Variants in GARNL3 observed in about 807,000 individuals in gnomAD.
GARNL3 encodes the protein GTPase activating Rap/RanGAP domain like 3, also known as GTPase-activating Rap/Ran-GAP domain-like protein 3.
A neutral mutation model predicts 125.0 loss-of-function variants in GARNL3; 63 were observed. The observed-to-expected ratio is 0.50, with a 90% CI of 0.41 to 0.62. GARNL3 has a LOEUF of 0.62. Ranked by LOEUF, GARNL3 falls within the 20% of genes least tolerant of loss-of-function variation. The pLI, the probability that GARNL3 is intolerant of heterozygous loss-of-function variation, is 0.00. For missense variants in GARNL3, 994 were observed against 1,244.0 expected (o/e 0.80, Z 3.02); for synonymous variants, 439 against 457.5 (o/e 0.96, Z 0.52).
chr9:127,355,689 G>A (rs1166388475), intron 20 of GARNL3, among the ~76,000 whole-genome samples: 1 of 152,190 alleles, frequency 6.6e-6, no homozygotes, highest in African/African-American at 2.4e-5. Context: ...AGGTACGAAG[G>A]ACACAGCGAT....
chr9:127,264,052 TA>T, upstream of GARNL3: 1 of 1,095,636 alleles, frequency 9.1e-7, no homozygotes, highest in South Asian at 1.4e-5. Context: ...TTGAATATAG[TA>T]AACATGTTAT....
At chr9:127,276,053 C>T (rs2063947552) in intron 1 of GARNL3, among the ~76,000 whole-genome samples, 1 of 152,036 alleles carries the variant, frequency 6.6e-6, no homozygotes, top group Non-Finnish European at 1.5e-5. Context: ...CTTCCTTGTA[C>T]TCCACTGAAA....
upstream of GARNL3, among the ~76,000 whole-genome samples, chr9:127,261,835 T>C (rs1383144010): frequency 6.6e-6 from 1 of 152,186 alleles, no homozygotes; most frequent in African/African-American, 2.4e-5. Flanking sequence ...CATGAGGCCC[T>C]TGGTCTCTAG....
In GARNL3 at chr9:127,393,365, T is replaced by A; in HGVS notation, c.*111T>A. On this transcript the variant is annotated 3_prime_UTR_variant, in exon 28 of 28. Coordinates refer to ENST00000373387, the MANE Select transcript of GARNL3 (RefSeq NM_032293.5). ...TGTGGCTTTTAGCCTGTCAGTGATC[T>A]ATTGGACCAAACCTTCTGCACACTC... The A allele has an allele frequency of 2.1e-6, 2 of 975,038 alleles. No homozygotes were observed. The highest frequency in any genetic ancestry group is 1.6e-5 in the African/African-American group (1 of 62,214). 60.4% of individuals were successfully genotyped at this position (975,038 alleles called of 1,614,324 possible).
intron 16 of GARNL3, 100 bp downstream of exon 16, chr9:127,345,577 G>A: frequency 1.3e-6 from 1 of 777,068 alleles, no homozygotes; most frequent in South Asian, 1.9e-5. Flanking sequence ...GAAGGAAGAA[G>A]AGCATGTCTA....
rs531128637 is a variant in GARNL3 at position 127,264,859 on chromosome 9, A to G, written c.-19A>G. 3 of 1,562,526 alleles carry G rather than the reference A, an allele frequency of 1.9e-6. No homozygotes were observed. The highest frequency in any genetic ancestry group is 1.2e-5 in the South Asian group (1 of 83,676). Reference sequence around the variant, plus strand: ...AGCCGGGGCACTGCAAGTCTGTTCCATAGCAGCCCTTTTTGCAAATGGTAG... The same window carrying G: ...AGCCGGGGCACTGCAAGTCTGTTCCGTAGCAGCCCTTTTTGCAAATGGTAG... On this transcript the variant is annotated 5_prime_UTR_variant, in exon 1 of 28. Transcript: ENST00000373387.
chr9:127,387,268 C>G lies in GARNL3; in HGVS notation c.2464C>G (p.Arg822Gly), dbSNP rs771513098. The change falls in exon 25 of 28, where the codon CGA (arginine) becomes GGA (glycine). Residue 822 changes from arginine to glycine, a missense_variant. Physicochemically the swap from Arg to Gly is moderately radical, Grantham distance 125. Around this residue, in one of 5 missense-constraint regions of GARNL3, gnomAD observed 728 missense variants for 865.7 expected, o/e 0.84. Transcript: ENST00000373387. ...AGGCAGCTCCAAGGGGGCCAGTGCCCGAAATTCTCCTCAGACACCCCCGGG... is the reference window on the plus strand; with the variant it reads ...AGGCAGCTCCAAGGGGGCCAGTGCCGGAAATTCTCCTCAGACACCCCCGGG... The part of the protein sequence containing the change: ...SGGSSKGASA[R>G]NSPQTPPGRD... 1.4e-5 allele frequency: 23 copies of G among 1,614,110 alleles called. No homozygotes were observed. Among genetic ancestry groups the G allele is most frequent in the East Asian group, 2.2e-5 (1 of 44,882 alleles).
intron 2 of GARNL3, among the ~76,000 whole-genome samples, chr9:127,254,535 G>A (rs1831729): frequency 0.6 from 91,555 of 151,956 alleles, 30,403 homozygotes; most frequent in Admixed American, 0.74. Context: ...TTGGGAGGCC[G>A]AGGCAGGCGG....
Position 127,376,363 on chromosome 9 carries a change from C to T in GARNL3, c.2162-7075C>T, listed in dbSNP as rs566042974. Reference sequence around the variant, plus strand: ...CTTCCCGAGTAGCTGGGACTACAGGCGCCTGCCACCTTGCCCGGCTAATTT... The same window carrying T: ...CTTCCCGAGTAGCTGGGACTACAGGTGCCTGCCACCTTGCCCGGCTAATTT... On this transcript the variant is annotated intron_variant, in intron 22 of 27. Coordinates refer to ENST00000373387, the MANE Select transcript of GARNL3 (RefSeq NM_032293.5). 6.6e-5 allele frequency among the ~76,000 whole-genome samples: 10 copies of T among 152,102 alleles called. No homozygotes were observed. In the South Asian group the frequency reaches 1.9e-3, roughly 28 times the overall value.
At chr9:127,257,733 TG>T (rs896147608) in intron 2 of GARNL3, among the ~76,000 whole-genome samples, 1 of 152,214 alleles carries the variant, frequency 6.6e-6, no homozygotes, top group Non-Finnish European at 1.5e-5. Flanking sequence ...TGGCAGTTGT[TG>T]GGGGGTGCAG....
In GARNL3 at chr9:127,393,371, AC is replaced by A; in HGVS notation, c.*119del. On this transcript the variant is annotated 3_prime_UTR_variant, in exon 28 of 28. Coordinates refer to ENST00000373387, the MANE Select transcript of GARNL3 (RefSeq NM_032293.5). The stretch of plus-strand genomic sequence containing the variant: ...TTTTAGCCTGTCAGTGATCTATTGG[AC>A]CAAACCTTCTGCACACTCGGCCAGT... The A allele has an allele frequency of 5.6e-6, 5 of 899,758 alleles. No individual in the cohort carries two copies. Among genetic ancestry groups the A allele is most frequent in the Non-Finnish European group, 8.4e-6 (5 of 594,124 alleles). 55.7% of individuals were successfully genotyped at this position (899,758 alleles called of 1,614,324 possible).
chr9:127,368,738 C>T (rs1016013897), intron 22 of GARNL3, among the ~76,000 whole-genome samples: 1 of 151,376 alleles, frequency 6.6e-6, no homozygotes, highest in Admixed American at 6.6e-5. Context: ...AGTTCAAAAC[C>T]AGCCTAGCCA....
At chr9:127,355,978 G>GCC (rs1830668390) in intron 20 of GARNL3, among the ~76,000 whole-genome samples, 2 of 152,162 alleles carry the variant, frequency 1.3e-5, no homozygotes, top group African/African-American at 2.4e-5. Flanking sequence ...GGCAGAGGGA[G>GCC]CAGCCAGGCA....
upstream of GARNL3, chr9:127,264,650 T>G: frequency 8.6e-7 from 1 of 1,165,810 alleles, no homozygotes; most frequent in Non-Finnish European, 1.1e-6. Flanking sequence ...AATGAAATTA[T>G]AAACCACCAG....
At chr9:127,265,207 T>C (rs1290198754) in intron 1 of GARNL3, among the ~76,000 whole-genome samples, 186 bp downstream of exon 1, 1 of 152,236 alleles carries the variant, frequency 6.6e-6, no homozygotes, top group African/African-American at 2.4e-5. Flanking sequence ...TTTGTTTTTA[T>C]TGTTACATAC....
chr9:127,339,863 T>TG, intron 13 of GARNL3, 112 bp downstream of exon 13: 1 of 759,836 alleles, frequency 1.3e-6, no homozygotes, highest in Non-Finnish European at 2.4e-6. Context: ...CATTCCATGT[T>TG]CCGTTAATTC....
intron 10 of GARNL3, 70 bp from the exon 11 acceptor site, chr9:127,336,057 TG>T: frequency 8.8e-7 from 1 of 1,132,684 alleles, no homozygotes. Flanking sequence ...TATTGGGTTA[TG>T]TTTTTTTAAC....
chr9:127,320,629 C>G (rs1588848671), intron 5 of GARNL3, 86 bp from the exon 6 acceptor site: 10 of 844,894 alleles, frequency 1.2e-5, no homozygotes, highest in Non-Finnish European at 2.0e-6. Context: ...GAGTGTCAGG[C>G]CCTTTAGGGA....
chr9:127,378,532 A>G (rs1007376233), intron 22 of GARNL3, among the ~76,000 whole-genome samples: 1 of 146,964 alleles, frequency 6.8e-6, no homozygotes, highest in Non-Finnish European at 1.5e-5. Flanking sequence ...GGTTGTGGTG[A>G]GCCGAGATCG....
Sources: gnomAD v4.1 joint callset for allele counts (sites outside exome capture counted in the v4.1 genomes callset) on GRCh38, gnomAD v4.1.1 for gene constraint, gnomAD v4.1.1 regional missense constraint, MANE v1.5 for transcripts, NCBI Gene and HGNC (gene_info 2026-07-23, HGNC 2026-07-21) for gene names.